Variants in THRAP3 observed in about 807,000 individuals in gnomAD.
The protein encoded by THRAP3 is thyroid hormone receptor-associated protein 3.
THRAP3 carries 16 observed loss-of-function variants against 101.0 expected under a neutral mutation model. The ratio of observed to expected loss-of-function variants is 0.16; its 90% CI spans 0.11 to 0.24. The LOEUF is 0.24. Ranked by LOEUF, THRAP3 falls within the 10% of genes least tolerant of loss-of-function variation. THRAP3 has a pLI of 1.00. For missense variants in THRAP3, 989 were observed against 1,202.7 expected, an observed-to-expected ratio of 0.82 and a Z score of 2.63; for synonymous variants, 407 against 422.6, an observed-to-expected ratio of 0.96 and a Z score of 0.45.
intron 2 of THRAP3, among the ~76,000 whole-genome samples, chr1:36,270,257 GCA>G (rs1645570185): frequency 6.6e-6 from 1 of 152,116 alleles, no homozygotes; most frequent in Non-Finnish European, 1.5e-5. Flanking sequence ...AGCTGTAGTG[GCA>G]CATGCCGGTA....
intron 9 of THRAP3, 141 bp from the exon 10 acceptor site, chr1:36,300,745 G>A: frequency 4.0e-6 from 3 of 751,354 alleles, no homozygotes; most frequent in East Asian, 2.7e-5. Context: ...TTGGGGGTGA[G>A]CTGGCTTTAT....
At chr1:36,288,009 T>G (rs765841986) in intron 4 of THRAP3, 2 of 954,748 alleles carry the variant, frequency 2.1e-6, no homozygotes, top group Admixed American at 6.2e-5. Flanking sequence ...TTTTTTCTTT[T>G]ATCGTATTTA....
chr1:36,300,192 A>G (rs1418320784), intron 9 of THRAP3, among the ~76,000 whole-genome samples: 2 of 152,246 alleles, frequency 1.3e-5, no homozygotes, highest in Admixed American at 6.5e-5. Context: ...GGGAAGGGAA[A>G]TAACTCTGGG....
intron 1 of THRAP3, among the ~76,000 whole-genome samples, chr1:36,241,716 C>T (rs1645163858): frequency 6.6e-6 from 1 of 151,558 alleles, no homozygotes; most frequent in Non-Finnish European, 1.5e-5. Context: ...GTAGCTAGGA[C>T]TACAGGCACC....
chr1:36,216,495 C>CAA, the THRAP3 span, among the ~76,000 whole-genome samples: 225 of 55,510 alleles, frequency 4.1e-3, 2 homozygotes, highest in African/African-American at 8.5e-3. Flanking sequence ...GACTCCGTCT[C>CAA]AAAAAAAAAA....
chr1:36,269,606 G>A (rs1168667525), intron 2 of THRAP3, among the ~76,000 whole-genome samples: 1 of 152,150 alleles, frequency 6.6e-6, no homozygotes, highest in East Asian at 1.9e-4. Flanking sequence ...ACGTGGAAAA[G>A]CACATAACCC....
intron 2 of THRAP3, among the ~76,000 whole-genome samples, chr1:36,270,238 AAGTT>A (rs1296391422): frequency 6.6e-6 from 1 of 152,136 alleles, no homozygotes; most frequent in East Asian, 1.9e-4. Flanking sequence ...AAAATACGAA[AAGTT>A]AGCCAGCTGT....
upstream of THRAP3, among the ~76,000 whole-genome samples, chr1:36,224,152 G>C (rs1644929565): frequency 6.6e-6 from 1 of 152,230 alleles, no homozygotes; most frequent in South Asian, 2.1e-4. Context: ...AATGGTGGGG[G>C]CAGTGGCGTC....
chr1:36,303,363 T>C (rs1229498892), intron 11 of THRAP3, among the ~76,000 whole-genome samples: 3 of 152,052 alleles, frequency 2.0e-5, no homozygotes, highest in South Asian at 2.1e-4. Flanking sequence ...AGAGAGGATA[T>C]ACTAAATCAT....
At chr1:36,283,754 T>G (rs1164017501) in intron 3 of THRAP3, among the ~76,000 whole-genome samples, 6 of 152,094 alleles carry the variant, frequency 3.9e-5, no homozygotes, top group Non-Finnish European at 5.9e-5. Flanking sequence ...AGTCAGTGAT[T>G]AAACTTTTAC....
At chr1:36,287,907 G>T in intron 4 of THRAP3, 1 of 985,418 alleles carries the variant, frequency 1.0e-6, no homozygotes, top group Non-Finnish European at 1.2e-6. Flanking sequence ...TGTATGGTTG[G>T]ATGGATTGGG....
intron 9 of THRAP3, among the ~76,000 whole-genome samples, chr1:36,299,890 C>T (rs1646010088): frequency 6.6e-6 from 1 of 152,128 alleles, no homozygotes. Flanking sequence ...AATCCTATCA[C>T]AGTAACTTAG....
intron 4 of THRAP3, chr1:36,287,813 C>CGTT: frequency 2.0e-6 from 2 of 985,436 alleles, no homozygotes; most frequent in Non-Finnish European, 2.4e-6. Flanking sequence ...GAAGCCAACA[C>CGTT]GGCTGCGTGT....
At chr1:36,288,797 C>T in intron 4 of THRAP3, 1 of 985,386 alleles carries the variant, frequency 1.0e-6, no homozygotes, top group Non-Finnish European at 1.2e-6. Flanking sequence ...CTAAAAATAA[C>T]TTTTGTTGTT....
At chr1:36,244,003 G>A (rs890888567) in intron 1 of THRAP3, among the ~76,000 whole-genome samples, 3 of 144,744 alleles carry the variant, frequency 2.1e-5, no homozygotes, top group Admixed American at 6.8e-5. Flanking sequence ...CGGACGGGGC[G>A]GCTGGCCGGG....
intron 1 of THRAP3, among the ~76,000 whole-genome samples, chr1:36,252,211 C>T (rs932403156): frequency 1.3e-5 from 2 of 152,160 alleles, no homozygotes; most frequent in Non-Finnish European, 2.9e-5. Flanking sequence ...CTGCAACCTC[C>T]GCTTCCCGGG....
intron 2 of THRAP3, among the ~76,000 whole-genome samples, chr1:36,273,097 C>G (rs964823696): frequency 4.6e-5 from 7 of 152,330 alleles, no homozygotes; most frequent in Middle Eastern, 6.8e-3. Flanking sequence ...AAATGGAGAA[C>G]AAATCAGATG....
At chr1:36,230,182 G>A (rs572951991) in intron 1 of THRAP3, among the ~76,000 whole-genome samples, 2 of 149,392 alleles carry the variant, frequency 1.3e-5, no homozygotes, top group Admixed American at 6.7e-5. Flanking sequence ...GCAATGGCTC[G>A]ATCTCAGCTG....
intron 1 of THRAP3, among the ~76,000 whole-genome samples, chr1:36,238,112 T>C (rs1645112970): frequency 1.3e-5 from 2 of 152,036 alleles, no homozygotes; most frequent in South Asian, 2.1e-4. Context: ...GGATTACAGG[T>C]GTGAGCCACC....
Sources: allele counts gnomAD v4.1 joint callset (sites outside exome capture counted in the v4.1 genomes callset), GRCh38; gene constraint gnomAD v4.1.1; transcripts MANE v1.5; gene names NCBI Gene and HGNC (gene_info 2026-07-23, HGNC 2026-07-21).